The following MSN variants were observed in gnomAD, a reference collection of about 807,000 sequenced individuals.
MSN encodes the protein epididymis luminal protein 70.
Under a neutral mutation model 48.0 loss-of-function variants are expected in MSN, and 2 were observed. That is an observed-to-expected ratio of 0.04 (90% CI 0.02 to 0.13). MSN has a LOEUF of 0.13. Ranked by LOEUF, MSN falls within the 10% of genes least tolerant of loss-of-function variation. MSN has a pLI of 1.00. For synonymous variants in MSN, 146 were observed against 166.9 expected (o/e 0.87, Z 0.97); for missense variants, 267 against 470.1 (o/e 0.57, Z 3.99).
At chrX:65,643,321 G>A (rs2070671585) in intron 1 of MSN, among the ~76,000 whole-genome samples, 1 of 111,389 alleles carries the variant, frequency 9.0e-6, no homozygotes, top group South Asian at 3.8e-4. Flanking sequence ...GGGTAGGGAA[G>A]GGCTTCTGTA....
upstream of MSN, among the ~76,000 whole-genome samples, chrX:65,666,916 C>T (rs768590340): frequency 1.8e-5 from 2 of 111,078 alleles, no homozygotes; most frequent in African/African-American, 6.6e-5. Flanking sequence ...TATAGCCAGC[C>T]CCATCAGGAC....
At chrX:65,656,809 C>T (rs1482202863) in intron 1 of MSN, among the ~76,000 whole-genome samples, 1 of 110,527 alleles carries the variant, frequency 9.0e-6, no homozygotes, top group Non-Finnish European at 1.9e-5. Flanking sequence ...AGCAAGCACA[C>T]GGTGCTGCTG....
intron 1 of MSN, among the ~76,000 whole-genome samples, chrX:65,622,513 T>TG (rs2070458813): frequency 2.4e-5 from 2 of 81,842 alleles, no homozygotes; most frequent in Non-Finnish European, 4.1e-5. Context: ...CATCTTTGTT[T>TG]TTTTTTTTTT....
chrX:65,601,624 G>C (rs1024720630), intron 1 of MSN, among the ~76,000 whole-genome samples: 4 of 112,163 alleles, frequency 3.6e-5, no homozygotes, highest in African/African-American at 1.3e-4. Context: ...ATTTCTGGAA[G>C]ATCTAACCCT....
intron 1 of MSN, among the ~76,000 whole-genome samples, chrX:65,637,712 A>C (rs2070616375): frequency 9.2e-6 from 1 of 109,139 alleles, no homozygotes; most frequent in Non-Finnish European, 1.9e-5. Context: ...TTTTTAATAG[A>C]GGCGGGGTCT....
chrX:65,710,856 G>A (rs1340146721), intron 1 of MSN, among the ~76,000 whole-genome samples: 14 of 103,843 alleles, frequency 1.3e-4, no homozygotes, highest in Non-Finnish European at 2.7e-4. Flanking sequence ...GACTACAGGC[G>A]TGCACCACCA....
intron 1 of MSN, among the ~76,000 whole-genome samples, chrX:65,699,300 A>G (rs757050271): frequency 5.4e-5 from 6 of 111,750 alleles, no homozygotes; most frequent in Non-Finnish European, 1.1e-4. Flanking sequence ...ACCACCATTC[A>G]TGGCTGGTTG....
chrX:65,687,600 G>A (rs2071127845), intron 1 of MSN, among the ~76,000 whole-genome samples: 1 of 111,732 alleles, frequency 8.9e-6, no homozygotes, highest in South Asian at 3.7e-4. Context: ...TAAGGAAAAT[G>A]GTGAACTTTG....
At chrX:65,664,812 T>A, upstream of MSN, among the ~76,000 whole-genome samples, 1 of 107,661 alleles carries the variant, frequency 9.3e-6, no homozygotes, top group Admixed American at 1.0e-4. Context: ...TGCAGTGGTA[T>A]GATCTTTGCT....
intron 1 of MSN, among the ~76,000 whole-genome samples, chrX:65,597,031 C>CTTTAT (rs1369026469): frequency 9.0e-6 from 1 of 111,289 alleles, no homozygotes; most frequent in Non-Finnish European, 1.9e-5. Context: ...TCCAACAGTG[C>CTTTAT]TTTATTTTAT....
upstream of MSN, among the ~76,000 whole-genome samples, chrX:65,666,925 A>G (rs1272007070): frequency 8.9e-6 from 1 of 111,752 alleles, no homozygotes; most frequent in South Asian, 3.8e-4. Context: ...CCCCATCAGG[A>G]CATCAGAAAG....
In MSN at chrX:65,741,214, C is replaced by G. The variant is rs1210049858; in HGVS notation, c.*1321C>G. On this transcript the variant is annotated 3_prime_UTR_variant, in exon 13 of 13. Coordinates refer to ENST00000360270, the MANE Select transcript of MSN (RefSeq NM_002444.3). The stretch of plus-strand genomic sequence containing the variant: ...TCTGGCCTAGTCCCTTCCACACCCC[C>G]ACCCCTTGCTCTCAACCCAGGAGCA... 5.9e-6 allele frequency: 1 copy of G among 168,725 alleles called. No individual in the cohort carries two copies. The highest frequency in any genetic ancestry group is 1.1e-5 in the Non-Finnish European group (1 of 88,313). The allele number at this position is 168,725 out of a possible 1,213,427, so 13.9% of individuals were successfully genotyped here.
intron 7 of MSN, among the ~76,000 whole-genome samples, chrX:65,733,782 T>C (rs1189062659): frequency 9.0e-6 from 1 of 111,314 alleles, no homozygotes; most frequent in South Asian, 3.7e-4. Context: ...GCCTCCCGAG[T>C]AGCTGGGATT....
At chrX:65,707,867 A>G (rs1042011975) in intron 1 of MSN, among the ~76,000 whole-genome samples, 3 of 111,869 alleles carry the variant, frequency 2.7e-5, no homozygotes, top group Admixed American at 1.9e-4. Context: ...TATCCTATCT[A>G]TCACTTTCAG....
At chrX:65,683,991 A>AT (rs1157584815) in intron 1 of MSN, among the ~76,000 whole-genome samples, 1 of 93,800 alleles carries the variant, frequency 1.1e-5, no homozygotes, top group Non-Finnish European at 2.0e-5. Context: ...CCCAGGCTGG[A>AT]GTGCAGTGAT....
At chrX:65,733,717 G>T (rs374523183) in intron 7 of MSN, among the ~76,000 whole-genome samples, 1 of 110,326 alleles carries the variant, frequency 9.1e-6, no homozygotes, top group South Asian at 3.8e-4. Flanking sequence ...ATGGAGTCTC[G>T]CTCTGTTGCC....
In MSN at chrX:65,651,569, T is replaced by TATC. The variant is rs1362063563; in HGVS notation, c.-22+62959_-22+62960insCAT. On this transcript the variant is annotated intron_variant, in intron 1 of 3. Coordinates refer to the MSN transcript ENST00000609672. ...CAAGGAAAGAAGTAATATTTATTAT[T>TATC]ATTATTATTATTATTATTATTATTA... Among the ~76,000 whole-genome samples, 919 of 100,910 alleles carry TATC rather than the reference T, an allele frequency of 9.1e-3. 10 individuals are homozygous for TATC. Among genetic ancestry groups the TATC allele is most frequent in the Admixed American group, 0.05 (457 of 9,092 alleles). 87.6% of individuals were successfully genotyped at this position (100,910 alleles called of 115,157 possible).
At chrX:65,665,038 C>T (rs1274848472), upstream of MSN, among the ~76,000 whole-genome samples, 2 of 110,707 alleles carry the variant, frequency 1.8e-5, no homozygotes, top group Non-Finnish European at 3.8e-5. Context: ...GTGTGAGCCA[C>T]CACACCTGGT....
intron 1 of MSN, chrX:65,625,695 T>A (rs1162389666): frequency 8.9e-6 from 1 of 111,802 alleles, no homozygotes; most frequent in African/African-American, 3.2e-5. Flanking sequence ...AACATATAGT[T>A]GGATCATGTT....
Sources: gnomAD v4.1 joint callset for allele counts (sites outside exome capture counted in the v4.1 genomes callset) on GRCh38, gnomAD v4.1.1 for gene constraint, MANE v1.5 for transcripts, NCBI Gene and HGNC (gene_info 2026-07-23, HGNC 2026-07-21) for gene names.